Variants in HACE1 observed in about 807,000 individuals in gnomAD.
HACE1 encodes E3 ubiquitin-protein ligase HACE1.
Under a neutral mutation model 118.4 loss-of-function variants are expected in HACE1, and 73 were observed. That is an observed-to-expected ratio of 0.62 (90% CI 0.51 to 0.75). HACE1 has a LOEUF of 0.75. Ranked by LOEUF, HACE1 falls within the 30% of genes least tolerant of loss-of-function variation. The probability of loss-of-function intolerance (pLI) is 0.00; values close to 1 mark genes in which losing one functional copy is unlikely to be tolerated. For synonymous variants in HACE1, 368 were observed against 374.8 expected (o/e 0.98, Z 0.21); for missense variants, 749 against 1,102.2 (o/e 0.68, Z 4.54).
chr6:104,736,122 T>TA (rs1775800477), intron 22 of HACE1, among the ~76,000 whole-genome samples: 1 of 151,776 alleles, frequency 6.6e-6, no homozygotes, highest in Admixed American at 6.6e-5. Context: ...CTTTCTTACA[T>TA]AAAAAATATA....
intron 5 of HACE1, among the ~76,000 whole-genome samples, chr6:104,834,608 T>C (rs1046344303): frequency 6.6e-6 from 1 of 152,170 alleles, no homozygotes. Flanking sequence ...GTAAAGAGTA[T>C]TTCCTTAAAA....
In HACE1 at chr6:104,852,309, G is replaced by A; in HGVS notation, c.131+8C>T. 4 of 1,604,014 alleles carry A rather than the reference G, an allele frequency of 2.5e-6. No homozygotes were observed. The highest frequency in any genetic ancestry group is 3.4e-6 in the Non-Finnish European group (4 of 1,171,322). On this transcript the variant is annotated splice_region_variant and intron_variant, in intron 2 of 23. Coordinates refer to ENST00000262903, the MANE Select transcript of HACE1 (RefSeq NM_020771.4). ...TAAAAAGCAAAAATTTTTGGAACAAGCACTCACCTGTGTTGATCAGCCATA... is the reference window on the plus strand; with the variant it reads ...TAAAAAGCAAAAATTTTTGGAACAAACACTCACCTGTGTTGATCAGCCATA...
chr6:104,731,928 A>T (rs992909807), intron 22 of HACE1: 1 of 152,178 alleles, frequency 6.6e-6, no homozygotes, highest in African/African-American at 2.4e-5. Flanking sequence ...ATTTCTCCAA[A>T]AAAAAGATAA....
rs1364032607 is a variant in HACE1 at position 104,859,850 on chromosome 6, C to T, written c.-208G>A. ...GGACCGACCACCTACAGTACACCCGCCGCCGCCTCTGCTCGCGCCTTTCCT... is the reference window on the plus strand; with the variant it reads ...GGACCGACCACCTACAGTACACCCGTCGCCGCCTCTGCTCGCGCCTTTCCT... On this transcript the variant is annotated 5_prime_UTR_variant, in exon 1 of 24. Transcript: ENST00000262903. The T allele has an allele frequency of 4.5e-5, 23 of 509,058 alleles. No individual in the cohort carries two copies. Among genetic ancestry groups the T allele is most frequent in the Admixed American group, 4.3e-5 (1 of 23,036 alleles). 31.5% of individuals were successfully genotyped at this position (509,058 alleles called of 1,614,324 possible).
At chr6:104,808,761 G>T (rs1452970989) in intron 7 of HACE1, among the ~76,000 whole-genome samples, 1 of 151,914 alleles carries the variant, frequency 6.6e-6, no homozygotes, top group Non-Finnish European at 1.5e-5. Context: ...AACACATTGG[G>T]AATAACTTAT....
chr6:104,784,289 A>G, intron 13 of HACE1, 116 bp from the exon 14 acceptor site: 2 of 878,186 alleles, frequency 2.3e-6, no homozygotes, highest in Non-Finnish European at 1.9e-6. Context: ...ATCCATATCT[A>G]TTAAAGTTTC....
At chr6:104,819,444 A>C (rs1355569275) in intron 6 of HACE1, among the ~76,000 whole-genome samples, 1 of 152,176 alleles carries the variant, frequency 6.6e-6, no homozygotes, top group African/African-American at 2.4e-5. Context: ...ATCAGTATCA[A>C]TAAAACGGCT....
chr6:104,819,631 A>G (rs1188588350), intron 6 of HACE1, among the ~76,000 whole-genome samples: 1 of 152,160 alleles, frequency 6.6e-6, no homozygotes, highest in African/African-American at 2.4e-5. Flanking sequence ...TACCCAACTT[A>G]AAACTATACT....
At chr6:104,760,402 C>T (rs1350504097) in intron 19 of HACE1, among the ~76,000 whole-genome samples, 2 of 152,166 alleles carry the variant, frequency 1.3e-5, no homozygotes, top group Non-Finnish European at 2.9e-5. Context: ...CATACACAAT[C>T]AATAAATGTA....
At chr6:104,840,658 G>A (rs200868370) in intron 5 of HACE1, among the ~76,000 whole-genome samples, 14 of 151,178 alleles carry the variant, frequency 9.3e-5, no homozygotes, top group Admixed American at 5.3e-4. Flanking sequence ...GTAAAACCCC[G>A]TCTCTATTAA....
intron 22 of HACE1, among the ~76,000 whole-genome samples, chr6:104,736,346 G>A (rs1775831972): frequency 1.3e-5 from 2 of 152,118 alleles, no homozygotes; most frequent in South Asian, 2.1e-4. Context: ...GTGCAGTGGT[G>A]CAATCTCGGC....
chr6:104,749,704 C>T (rs1777834331), intron 20 of HACE1, among the ~76,000 whole-genome samples: 1 of 151,830 alleles, frequency 6.6e-6, no homozygotes, highest in Non-Finnish European at 1.5e-5. Flanking sequence ...AATAATTCTC[C>T]AAATTACCAA....
chr6:104,854,933 A>C (rs184500109), intron 1 of HACE1, among the ~76,000 whole-genome samples: 398 of 152,108 alleles, frequency 2.6e-3, no homozygotes, highest in Non-Finnish European at 4.5e-3. Context: ...TTCACTATAA[A>C]AGTAAAATAC....
At chr6:104,757,449 G>C (rs1778849741) in intron 19 of HACE1, among the ~76,000 whole-genome samples, 1 of 152,200 alleles carries the variant, frequency 6.6e-6, no homozygotes, top group African/African-American at 2.4e-5. Flanking sequence ...CTGCAGCTAA[G>C]GGGCCTGTTT....
chr6:104,771,166 G>A, intron 19 of HACE1, 27 bp downstream of exon 19: 2 of 1,523,458 alleles, frequency 1.3e-6, no homozygotes, highest in Non-Finnish European at 1.8e-6. Context: ...TACAAACAAT[G>A]GTTAAGGTAA....
At chr6:104,786,604 C>CAAAAAAAAA (rs778056795) in intron 11 of HACE1, 1 of 67,904 alleles carries the variant, frequency 1.5e-5, no homozygotes, top group African/African-American at 4.9e-5. Context: ...ATACTGTCTC[C>CAAAAAAAAA]AAAAAAAAAA....
intron 19 of HACE1, among the ~76,000 whole-genome samples, chr6:104,757,704 C>G (rs1181106050): frequency 6.6e-6 from 1 of 152,148 alleles, no homozygotes; most frequent in Non-Finnish European, 1.5e-5. Flanking sequence ...GTTTGATGAA[C>G]TGACAGAAGT....
At chr6:104,810,610 G>A (rs561575894) in intron 7 of HACE1, among the ~76,000 whole-genome samples, 10 of 151,838 alleles carry the variant, frequency 6.6e-5, no homozygotes, top group Non-Finnish European at 1.2e-4. Context: ...TGGGTGTGAC[G>A]GCATGTGTAT....
At chr6:104,753,903 G>A (rs1247894735) in intron 19 of HACE1, among the ~76,000 whole-genome samples, 1 of 152,192 alleles carries the variant, frequency 6.6e-6, no homozygotes, top group Non-Finnish European at 1.5e-5. Context: ...GTCTGAGGCT[G>A]AGATGGCTGA....
Sources: gnomAD v4.1 joint callset for allele counts (sites outside exome capture counted in the v4.1 genomes callset) on GRCh38, gnomAD v4.1.1 for gene constraint, MANE v1.5 for transcripts, NCBI Gene and HGNC (gene_info 2026-07-23, HGNC 2026-07-21) for gene names.